SHC4: variants seen among roughly 807,000 people sequenced by gnomAD.
SHC4 encodes the protein SHC adaptor protein 4, also known as SHC-transforming protein 4.
In SHC4, 41 loss-of-function variants were observed where a neutral mutation model predicts 69.4. That is an observed-to-expected ratio of 0.59 (90% CI 0.46 to 0.77). SHC4 has a LOEUF of 0.77. Ranked by LOEUF, SHC4 falls within the 30% of genes least tolerant of loss-of-function variation. SHC4 has a pLI of 0.00. For synonymous variants in SHC4, 318 were observed against 299.3 expected (o/e 1.06, Z -0.64); for missense variants, 777 against 783.8 (o/e 0.99, Z 0.10).
chr15:48,935,870 T>C (rs959986298), intron 1 of SHC4, among the ~76,000 whole-genome samples: 3 of 152,166 alleles, frequency 2.0e-5, no homozygotes, highest in Non-Finnish European at 4.4e-5. Flanking sequence ...AATAATCTTA[T>C]AGCACCTTTG....
intron 1 of SHC4, chr15:48,946,260 T>C (rs1901274593): frequency 6.6e-6 from 1 of 152,214 alleles, no homozygotes; most frequent in South Asian, 2.1e-4. Context: ...TTGCTCAGTG[T>C]GTGTAGGAAG....
intron 11 of SHC4, among the ~76,000 whole-genome samples, chr15:48,828,103 G>C (rs1044235772): frequency 6.0e-5 from 3 of 50,286 alleles, no homozygotes; most frequent in Admixed American, 6.3e-4. Context: ...ATGTGTGTGT[G>C]TGTGTGTGTG....
rs768223793 is a variant in SHC4 at position 48,962,574 on chromosome 15, G to A, written c.442C>T (p.Gln148Ter). 2.5e-6 allele frequency: 4 copies of A among 1,612,206 alleles called. No homozygotes were observed. Among genetic ancestry groups the A allele is most frequent in the Non-Finnish European group, 3.4e-6 (4 of 1,178,860 alleles). The change falls in exon 1 of 12, where the codon CAG (glutamine) becomes TAG (stop). Residue 148 changes from glutamine to a stop codon, truncating the protein, a stop_gained. Coordinates refer to ENST00000332408, the MANE Select transcript of SHC4 (RefSeq NM_203349.4). LOFTEE classifies it high-confidence loss of function. The part of the protein sequence containing the change: ...SRSGTAPPPQ[Q>*]DLVGHRATAL... ...GTTGCCCTGTGTCCCACCAGGTCCTGCTGCGGTGGAGGTGCAGTCCCGGAC... is the reference window on the plus strand; with the variant it reads ...GTTGCCCTGTGTCCCACCAGGTCCTACTGCGGTGGAGGTGCAGTCCCGGAC...
intron 1 of SHC4, among the ~76,000 whole-genome samples, chr15:48,940,970 A>T (rs149472691): frequency 1.3e-3 from 199 of 152,308 alleles, no homozygotes; most frequent in African/African-American, 4.5e-3. Flanking sequence ...CATGAAACAC[A>T]AGAGTTGTCT....
chr15:48,902,202 CAAAA>C (rs35158653), intron 2 of SHC4, among the ~76,000 whole-genome samples: 1 of 73,546 alleles, frequency 1.4e-5, no homozygotes, highest in Non-Finnish European at 2.8e-5. Context: ...GACTGTGTCT[CAAAA>C]AAAAAAAAAA....
intron 1 of SHC4, among the ~76,000 whole-genome samples, chr15:48,962,072 T>A (rs1270036794): frequency 1.3e-4 from 20 of 152,216 alleles, no homozygotes; most frequent in Admixed American, 1.3e-3. Flanking sequence ...TCTCAATCAC[T>A]GATCAGATTT....
intron 5 of SHC4, among the ~76,000 whole-genome samples, chr15:48,870,669 C>G (rs181730650): frequency 6.7e-6 from 1 of 149,776 alleles, no homozygotes; most frequent in African/African-American, 2.5e-5. Flanking sequence ...AAGAGTGAGA[C>G]GCCGTCTCAA....
intron 2 of SHC4, among the ~76,000 whole-genome samples, chr15:48,919,506 C>T (rs940268012): frequency 3.3e-5 from 5 of 151,286 alleles, no homozygotes; most frequent in African/African-American, 1.2e-4. Context: ...TCAGGCTGGT[C>T]TCAAACTCCA....
At chr15:48,954,852 C>CT (rs1342054305) in intron 1 of SHC4, among the ~76,000 whole-genome samples, 2 of 152,168 alleles carry the variant, frequency 1.3e-5, no homozygotes, top group Non-Finnish European at 2.9e-5. Context: ...TGTGCTAAGC[C>CT]TTGTACATAC....
Position 48,913,274 on chromosome 15 carries a change from TG to T in SHC4, c.656+11604del, listed in dbSNP as rs551446725. Among the ~76,000 whole-genome samples the T allele has an allele frequency of 3.1e-3, 475 of 152,094 alleles. 1 individual carries two copies. Among genetic ancestry groups the T allele is most frequent in the South Asian group, 0.018 (88 of 4,816 alleles). On this transcript the variant is annotated intron_variant, in intron 2 of 11. Transcript: ENST00000332408. ...CTCCTTGGGCAGGTCTTGATGTGGC[TG>T]CTGTGGGGGATGTGGGTGGGGTTCC...
In SHC4 at chr15:48,902,701, G is replaced by T. The variant is rs1449035178; in HGVS notation, c.657-11890C>A. ...TGGTCAATATGGGGTTCCAAGGCCT[G>T]GTCCCCGTACCTCAATATGGGGTGA... On this transcript the variant is annotated intron_variant, in intron 2 of 11. Transcript: ENST00000332408. 4.6e-5 allele frequency among the ~76,000 whole-genome samples: 7 copies of T among 152,194 alleles called. No individual in the cohort carries two copies. The East Asian group carries it at 1.4e-3, about 29-fold the overall frequency.
chr15:48,852,915 AAAATAAAT>A lies in SHC4; in HGVS notation c.1243-1675_1243-1668del, dbSNP rs35921296. On this transcript the variant is annotated intron_variant, in intron 8 of 11. Transcript: ENST00000332408. Reference sequence around the variant, plus strand: ...AGACTCTGTCTCAAAAAAATATATAAAAATAAATAAATAAATAAATAAATAAATAAAAT... The same window carrying A: ...AGACTCTGTCTCAAAAAAATATATAAAAATAAATAAATAAATAAATAAAAT... 6.3e-3 allele frequency among the ~76,000 whole-genome samples: 897 copies of A among 143,040 alleles called. 6 individuals carry two copies. The highest frequency in any genetic ancestry group is 0.019 in the African/African-American group (746 of 39,542). 93.8% of individuals were successfully genotyped at this position (143,040 alleles called of 152,430 possible).
At chr15:48,952,400 C>T (rs1231091394) in intron 1 of SHC4, among the ~76,000 whole-genome samples, 1 of 152,006 alleles carries the variant, frequency 6.6e-6, no homozygotes, top group Non-Finnish European at 1.5e-5. Context: ...AATGCATTTC[C>T]CTGTGAAAAT....
chr15:48,880,691 T>C (rs1899923199), intron 4 of SHC4, among the ~76,000 whole-genome samples: 1 of 152,136 alleles, frequency 6.6e-6, no homozygotes. Context: ...TGGTTGTTTT[T>C]CAGTCTTAAA....
chr15:48,941,835 A>G (rs1203916000), intron 1 of SHC4, among the ~76,000 whole-genome samples: 1 of 152,140 alleles, frequency 6.6e-6, no homozygotes, highest in African/African-American at 2.4e-5. Context: ...ATTTGCTGTA[A>G]CTATCACTCA....
chr15:48,871,196 T>TA (rs1483546547), intron 5 of SHC4, among the ~76,000 whole-genome samples: 1 of 152,228 alleles, frequency 6.6e-6, no homozygotes, highest in Non-Finnish European at 1.5e-5. Flanking sequence ...GAAAAGAAGG[T>TA]AATACATTCT....
chr15:48,961,560 T>C (rs1261933821), intron 1 of SHC4, among the ~76,000 whole-genome samples: 1 of 152,222 alleles, frequency 6.6e-6, no homozygotes, highest in Non-Finnish European at 1.5e-5. Flanking sequence ...ATCTGACATT[T>C]CTTCCAAGAT....
chr15:48,932,838 T>C (rs370308346), intron 1 of SHC4, among the ~76,000 whole-genome samples: 5 of 152,162 alleles, frequency 3.3e-5, no homozygotes, highest in Non-Finnish European at 7.3e-5. Flanking sequence ...ATAGCAAGAA[T>C]GGTGTCTGTT....
chr15:48,958,261 C>G (rs1348016438), intron 1 of SHC4, among the ~76,000 whole-genome samples: 6 of 152,226 alleles, frequency 3.9e-5, no homozygotes, highest in Non-Finnish European at 8.8e-5. Flanking sequence ...ACAGTGTGGC[C>G]TCTCATCTAC....
Sources: allele counts gnomAD v4.1 joint callset (sites outside exome capture counted in the v4.1 genomes callset), GRCh38; gene constraint gnomAD v4.1.1; transcripts MANE v1.5; gene names NCBI Gene and HGNC (gene_info 2026-07-23, HGNC 2026-07-21).